The following TMEM181 variants were observed in gnomAD, a reference collection of about 807,000 sequenced individuals.
TMEM181 encodes the protein transmembrane protein 181.
A neutral mutation model predicts 71.9 loss-of-function variants in TMEM181; 39 were observed. That is an observed-to-expected ratio of 0.54 (90% CI 0.42 to 0.71). The LOEUF is 0.71. TMEM181 is among the 30% of genes least tolerant of loss of function. The probability of loss-of-function intolerance (pLI) is 0.00; values close to 1 mark genes in which losing one functional copy is unlikely to be tolerated. For synonymous variants in TMEM181, 245 were observed against 228.8 expected (o/e 1.07, Z -0.64); for missense variants, 595 against 583.0 (o/e 1.02, Z -0.21).
chr6:158,543,693 C>T (rs1315671409), intron 1 of TMEM181, among the ~76,000 whole-genome samples: 1 of 152,204 alleles, frequency 6.6e-6, no homozygotes, highest in Non-Finnish European at 1.5e-5. Flanking sequence ...TTTATAAGGA[C>T]ATCAGTCACA....
At position 158,542,455 on chromosome 6, in the gene TMEM181, C is replaced by T. The variant is rs189882628; in HGVS notation, c.131+5590C>T. On this transcript the variant is annotated intron_variant, in intron 1 of 16. Coordinates refer to the TMEM181 transcript ENST00000367090. Reference sequence around the variant, plus strand: ...GTCTAGCAAGACCAAGTAACTTGTTCGAGGTTGCACTTTAGAACCAGAATT... The same window carrying T: ...GTCTAGCAAGACCAAGTAACTTGTTTGAGGTTGCACTTTAGAACCAGAATT... Among the ~76,000 whole-genome samples, 633 of 152,308 alleles carry T rather than the reference C, an allele frequency of 4.2e-3. 4 individuals carry two copies. Among genetic ancestry groups the T allele is most frequent in the South Asian group, 0.012 (58 of 4,826 alleles).
rs538252058 is a variant in TMEM181, at chr6:158,620,093, A to G, written c.897-3457A>G. Among the ~76,000 whole-genome samples, 26 of 152,262 alleles carry G rather than the reference A, an allele frequency of 1.7e-4. No individual in the cohort carries two copies. Among genetic ancestry groups the G allele is most frequent in the African/African-American group, 5.5e-4 (23 of 41,548 alleles). On this transcript the variant is annotated intron_variant, in intron 10 of 16. Coordinates refer to ENST00000684151, the MANE Select transcript of TMEM181 (RefSeq NM_001376852.1). This position sits in a 1 kb window ranked among gnomAD's most constrained non-coding sequence, Gnocchi z 4.5. ...CCAGGCCATATTGCAATAAAAAACTAAACACTTTGGCTTTAGGAGTCCCTG... is the reference window on the plus strand; with the variant it reads ...CCAGGCCATATTGCAATAAAAAACTGAACACTTTGGCTTTAGGAGTCCCTG...
intron 10 of TMEM181, among the ~76,000 whole-genome samples, chr6:158,615,110 TAA>T (rs1462860797): frequency 6.6e-6 from 1 of 152,226 alleles, no homozygotes; most frequent in Admixed American, 6.5e-5. Flanking sequence ...ACCAACAGTG[TAA>T]AAGTGTTCCT....
At chr6:158,542,406 C>T (rs931469976) in intron 1 of TMEM181, among the ~76,000 whole-genome samples, 1 of 152,150 alleles carries the variant, frequency 6.6e-6, no homozygotes, top group Non-Finnish European at 1.5e-5. Flanking sequence ...ATAATCTTCC[C>T]GACAACCCTC....
At chr6:158,627,052 C>G (rs545929882) in intron 13 of TMEM181, among the ~76,000 whole-genome samples, 3 of 151,082 alleles carry the variant, frequency 2.0e-5, no homozygotes, top group Non-Finnish European at 4.4e-5. Context: ...CACCCTCATT[C>G]TCACACCCTC....
chr6:158,600,495 A>T (rs1784613147), intron 6 of TMEM181, among the ~76,000 whole-genome samples: 1 of 91,416 alleles, frequency 1.1e-5, no homozygotes, highest in South Asian at 3.4e-4. Context: ...TTGGAGATGG[A>T]ATCTTGCTCT....
At chr6:158,545,200 C>T (rs762242116) in intron 1 of TMEM181, among the ~76,000 whole-genome samples, 2 of 152,228 alleles carry the variant, frequency 1.3e-5, no homozygotes, top group Non-Finnish European at 2.9e-5. Context: ...TCTTCCTTAC[C>T]CCATGTTTAC....
chr6:158,551,664 C>T lies in TMEM181; in HGVS notation c.131+14799C>T, dbSNP rs190091998. ...TCGACTTTTACAAATTTTACATAAT[C>T]TTTAAGATACATCAATAACATATCT... On this transcript the variant is annotated intron_variant, in intron 1 of 16. Transcript: ENST00000367090. 2.6e-5 allele frequency among the ~76,000 whole-genome samples: 4 copies of T among 152,192 alleles called. No individual in the cohort carries two copies. In the East Asian group the frequency reaches 7.7e-4, roughly 29 times the overall value.
chr6:158,548,988 G>C (rs993169286), intron 1 of TMEM181, among the ~76,000 whole-genome samples: 132 of 152,172 alleles, frequency 8.7e-4, no homozygotes, highest in African/African-American at 3.2e-3. Flanking sequence ...GGCAGGGAGG[G>C]GCCTGCTCTA....
At chr6:158,599,468 A>G (rs1170366950) in intron 6 of TMEM181, among the ~76,000 whole-genome samples, 1 of 152,214 alleles carries the variant, frequency 6.6e-6, no homozygotes, top group Non-Finnish European at 1.5e-5. Flanking sequence ...TTCAAAAGGA[A>G]TGTCTAAGCC....
At chr6:158,629,396 G>A (rs1190599462) in intron 14 of TMEM181, among the ~76,000 whole-genome samples, 1 of 152,062 alleles carries the variant, frequency 6.6e-6, no homozygotes, top group East Asian at 1.9e-4. Flanking sequence ...GTATGCCCGT[G>A]GCCTTCCTGC....
chr6:158,583,013 T>C (rs987122952), intron 3 of TMEM181, among the ~76,000 whole-genome samples: 2 of 152,080 alleles, frequency 1.3e-5, no homozygotes, highest in Non-Finnish European at 2.9e-5. Flanking sequence ...GGTGGGCTGA[T>C]CATGAGATCA....
chr6:158,624,761 G>T (rs578197620), intron 11 of TMEM181, among the ~76,000 whole-genome samples: 1 of 152,348 alleles, frequency 6.6e-6, no homozygotes, highest in African/African-American at 2.4e-5. Context: ...CAGGGGCAGG[G>T]TGGGGAGCCA....
At chr6:158,601,026 G>C (rs916202169) in intron 6 of TMEM181, among the ~76,000 whole-genome samples, 2 of 152,042 alleles carry the variant, frequency 1.3e-5, no homozygotes, top group African/African-American at 4.8e-5. Context: ...CTAAGACGTA[G>C]TAAACGTTTT....
chr6:158,592,677 G>T (rs1784173707), intron 6 of TMEM181, among the ~76,000 whole-genome samples: 1 of 152,046 alleles, frequency 6.6e-6, no homozygotes, highest in South Asian at 2.1e-4. Flanking sequence ...GTAGAGATGG[G>T]GTTTTACCAC....
chr6:158,589,849 T>C, intron 6 of TMEM181, 67 bp downstream of exon 6: 3 of 1,119,378 alleles, frequency 2.7e-6, no homozygotes, highest in East Asian at 2.4e-5. Flanking sequence ...TGTTCAATGA[T>C]TGAAATACAT....
At chr6:158,605,445 T>C (rs1486711220) in intron 7 of TMEM181, 98 bp downstream of exon 7, 1 of 1,117,552 alleles carries the variant, frequency 8.9e-7, no homozygotes, top group Middle Eastern at 2.3e-4. Context: ...TGGAGATTGA[T>C]CTGAACTCAG....
rs137856003 is a variant in TMEM181 at position 158,589,619 on chromosome 6, C to T, written c.382-53C>T. The T allele has an allele frequency of 8.6e-4, 1,172 of 1,366,708 alleles. 10 individuals are homozygous for T. The African/African-American group carries it at 0.012, about 14-fold the overall frequency. The allele number at this position is 1,366,708 out of a possible 1,614,324, so 84.7% of individuals were successfully genotyped here. A position where few individuals can be genotyped will look rare whatever the true frequency, so the allele number is the denominator to read the frequency against. On this transcript the variant is annotated intron_variant, in intron 5 of 16. Coordinates refer to ENST00000684151, the MANE Select transcript of TMEM181 (RefSeq NM_001376852.1). ...ACGTGTTACTTCATGGGTTATTTGG[C>T]GGGAGCGTGAGTCTCGCTTTCTTTA...
chr6:158,608,435 T>C lies in TMEM181; in HGVS notation c.776T>C (p.Leu259Pro), dbSNP rs767585524. Reference sequence around the variant, plus strand: ...CTGTGCGCCCTGCTGCTCTTCTGGCTGTGCGTGTACCACGGGATTCGTGTC... The same window carrying C: ...CTGTGCGCCCTGCTGCTCTTCTGGCCGTGCGTGTACCACGGGATTCGTGTC... ...MFLCALLLFW[L>P]CVYHGIRVQG... The change falls in exon 9 of 17, where the codon CTG becomes CCG. Residue 259 changes from leucine (L) to proline (P), a missense_variant. Coordinates refer to ENST00000684151, the MANE Select transcript of TMEM181 (RefSeq NM_001376852.1). 5 of 1,614,110 alleles carry C rather than the reference T, an allele frequency of 3.1e-6. No homozygotes were observed. Among genetic ancestry groups the C allele is most frequent in the Non-Finnish European group, 4.2e-6 (5 of 1,180,052 alleles).
Sources: gnomAD v4.1 joint callset for allele counts (sites outside exome capture counted in the v4.1 genomes callset) on GRCh38, gnomAD v4.1.1 for gene constraint, Gnocchi (gnomAD v3.1) non-coding constraint, MANE v1.5 for transcripts, NCBI Gene and HGNC (gene_info 2026-07-23, HGNC 2026-07-21) for gene names.